ROS1: variants seen among roughly 807,000 people sequenced by gnomAD.
ROS1 encodes the protein proto-oncogene tyrosine-protein kinase ROS.
Under a neutral mutation model 273.5 loss-of-function variants are expected in ROS1, and 263 were observed. The ratio of observed to expected loss-of-function variants is 0.96; its 90% CI spans 0.87 to 1.06. ROS1 has a LOEUF of 1.06. ROS1 is among the 50% of genes least tolerant of loss of function. ROS1 has a pLI of 0.00. For synonymous variants in ROS1, 1,008 were observed against 954.1 expected (o/e 1.06, Z -1.04); for missense variants, 2,833 against 2,751.1 (o/e 1.03, Z -0.67).
chr6:117,383,490 A>C lies in ROS1; in HGVS notation c.2308T>G (p.Leu770Val), dbSNP rs565705980. The C allele has an allele frequency of 5.0e-6, 8 of 1,613,992 alleles. No homozygotes were observed. In the African/African-American group the frequency reaches 9.3e-5, roughly 19 times the overall value. Reference sequence around the variant, plus strand: ...GTAACAATGTCTGTGTGTCCCGTCAACACAGACTGCCTTTGTATCTAAAAA... The same window carrying C: ...GTAACAATGTCTGTGTGTCCCGTCACCACAGACTGCCTTTGTATCTAAAAA... ...KTYVIQRQSV[L>V]TGHTDIVTHV... Residue 770 changes from leucine to valine, a missense_variant, in exon 17 of 44, where the codon TTG becomes GTG. By Grantham distance (32) the Leu-to-Val change is conservative (BLOSUM62 1). Coordinates refer to ENST00000368507, the MANE Select transcript of ROS1 (RefSeq NM_001378902.1).
In ROS1 at chr6:117,326,306, T is replaced by C. The variant is rs199815114; in HGVS notation, c.5457A>G (p.Ile1819Met). The C allele has an allele frequency of 2.7e-4, 425 of 1,602,138 alleles. No homozygotes were observed. Among genetic ancestry groups the C allele is most frequent in the Non-Finnish European group, 3.5e-4 (410 of 1,174,896 alleles). Residue 1819 changes from isoleucine (I) to methionine (M), a missense_variant, in exon 34 of 44, where the codon ATA (isoleucine) becomes ATG (methionine). Physicochemically the swap from Ile to Met is conservative, Grantham distance 10 (BLOSUM62 1). Coordinates refer to ENST00000368507, the MANE Select transcript of ROS1 (RefSeq NM_001378902.1). ...CTWKSKNLKG[I>M]FQFRVVAANN... ...TTGCAGCTACTACTCTGAACTGAAA[T>C]ATTCCTTTCAGGTTTTTGGACTTCC...
rs368540212 is a variant in ROS1, at chr6:117,385,812, G to A, written c.2160C>T (p.Asp720=). The A allele has an allele frequency of 1.7e-5, 28 of 1,613,972 alleles. No homozygotes were observed. The highest frequency in any genetic ancestry group is 8.8e-5 in the South Asian group (8 of 91,084). ...NSLYYSDTKG[D]VFVWLLNGTD... ...TCCCATTCAGCAGCCACACAAAAAC[G>A]TCGCCTTTCGTGTCACTGTAGTAGA... The change falls in exon 16 of 44, where the codon GAC becomes GAT. Residue 720 remains aspartate, a synonymous_variant. Coordinates refer to ENST00000368507, the MANE Select transcript of ROS1 (RefSeq NM_001378902.1).
At chr6:117,415,039 C>T (rs1775234309) in intron 3 of ROS1, among the ~76,000 whole-genome samples, 1 of 152,186 alleles carries the variant, frequency 6.6e-6, no homozygotes, top group South Asian at 2.1e-4. Flanking sequence ...TGCTATATGC[C>T]CTGCACTGTA....
At chr6:117,353,191 T>A in intron 26 of ROS1, 25 bp from the exon 27 acceptor site, 1 of 1,509,426 alleles carries the variant, frequency 6.6e-7, no homozygotes, top group South Asian at 1.3e-5. Context: ...ATAAGGAATA[T>A]AAAGAACAAA....
At chr6:117,306,595 C>T (rs1775121609) in intron 42 of ROS1, among the ~76,000 whole-genome samples, 1 of 152,136 alleles carries the variant, frequency 6.6e-6, no homozygotes, top group Non-Finnish European at 1.5e-5. Context: ...TACAGCATAG[C>T]TATCTATGGG....
chr6:117,409,793 C>T lies in ROS1; in HGVS notation c.256-151G>A, dbSNP rs138431188. 1.2e-3 allele frequency: 764 copies of T among 654,520 alleles called. 6 individuals are homozygous for T. The highest frequency in any genetic ancestry group is 0.011 in the African/African-American group (615 of 56,004). The allele number at this position is 654,520 out of a possible 1,614,324, so 40.5% of individuals were successfully genotyped here. The stretch of plus-strand genomic sequence containing the variant: ...ATCTTTGAAATCGGAGTGCCTAATA[C>T]GCAAGTACATCTTTATGTCAACTAT... On this transcript the variant is annotated intron_variant, in intron 4 of 43. Coordinates refer to ENST00000368507, the MANE Select transcript of ROS1 (RefSeq NM_001378902.1).
chr6:117,334,932 C>A (rs548873190), intron 32 of ROS1, among the ~76,000 whole-genome samples: 8 of 152,250 alleles, frequency 5.3e-5, no homozygotes, highest in African/African-American at 1.7e-4. Flanking sequence ...TAGGCATGGG[C>A]AAAGACTTCA....
At chr6:117,290,802 T>TGCTCC (rs1163588699) in intron 43 of ROS1, among the ~76,000 whole-genome samples, 1 of 152,172 alleles carries the variant, frequency 6.6e-6, no homozygotes, top group Non-Finnish European at 1.5e-5. Flanking sequence ...ATGGTATTAT[T>TGCTCC]GCTCCCTGTT....
chr6:117,408,243 C>T (rs1774584590), intron 5 of ROS1, among the ~76,000 whole-genome samples: 1 of 151,688 alleles, frequency 6.6e-6, no homozygotes, highest in African/African-American at 2.4e-5. Context: ...AGCTTCTGCA[C>T]AGCAAAAGAA....
rs781026428 is a variant in ROS1 at position 117,404,434 on chromosome 6, G to GA, written c.317-7dup. ...AGTTGGTAGGTCTGCATTTTCTGGGGAAAAAACAAGATTTCACTCACCACG... is the reference window on the plus strand; with the variant it reads ...AGTTGGTAGGTCTGCATTTTCTGGGGAAAAAAACAAGATTTCACTCACCACG... On this transcript the variant is annotated splice_polypyrimidine_tract_variant and splice_region_variant and intron_variant, in intron 5 of 43. Transcript: ENST00000368507. The GA allele has an allele frequency of 8.7e-6, 14 of 1,611,238 alleles. No individual in the cohort carries two copies. The Admixed American group carries it at 2.0e-4, about 23-fold the overall frequency.
chr6:117,350,088 C>A (rs984817076), intron 27 of ROS1, among the ~76,000 whole-genome samples: 1 of 151,956 alleles, frequency 6.6e-6, no homozygotes, highest in Non-Finnish European at 1.5e-5. Flanking sequence ...TAATGCTCTT[C>A]CTTTCTTTAT....
At position 117,364,995 on chromosome 6, in the gene ROS1, A is replaced by G. The variant is rs1325839644; in HGVS notation, c.3103+65T>C. ...AGTTATTTTTAAATATCAACTATCC[A>G]TTCCAGATCATGAAAAGTGAGATTC... On this transcript the variant is annotated intron_variant, in intron 21 of 43. Coordinates refer to ENST00000368507, the MANE Select transcript of ROS1 (RefSeq NM_001378902.1). The G allele has an allele frequency of 4.1e-6, 6 of 1,478,396 alleles. No individual in the cohort carries two copies. In the Admixed American group the frequency reaches 1.1e-4, roughly 27 times the overall value. The allele number at this position is 1,478,396 out of a possible 1,614,324, so 91.6% of individuals were successfully genotyped here.
At chr6:117,309,693 T>C (rs534637172) in intron 41 of ROS1, among the ~76,000 whole-genome samples, 1 of 152,264 alleles carries the variant, frequency 6.6e-6, no homozygotes, top group South Asian at 2.1e-4. Flanking sequence ...TCTTTTAGGA[T>C]ACTTTTAAAT....
chr6:117,370,364 T>C (rs1476438034), intron 18 of ROS1, among the ~76,000 whole-genome samples: 1 of 152,148 alleles, frequency 6.6e-6, no homozygotes, highest in Non-Finnish European at 1.5e-5. Context: ...TTTGCTTTAC[T>C]TTAATCACTT....
At chr6:117,412,765 T>C (rs958429861) in intron 4 of ROS1, among the ~76,000 whole-genome samples, 1 of 152,188 alleles carries the variant, frequency 6.6e-6, no homozygotes, top group Non-Finnish European at 1.5e-5. Context: ...ATTTACACTA[T>C]ATAATCACAG....
chr6:117,294,281 C>G (rs1409759571), intron 43 of ROS1, among the ~76,000 whole-genome samples: 1 of 152,074 alleles, frequency 6.6e-6, no homozygotes, highest in African/African-American at 2.4e-5. Flanking sequence ...CACTCTTATT[C>G]AACATAGTAC....
chr6:117,389,767 G>C lies in ROS1; in HGVS notation c.1369C>G (p.Arg457Gly), dbSNP rs766342599. Residue 457 changes from arginine (R) to glycine (G), a missense_variant, in exon 13 of 44, where the codon CGT (arginine) becomes GGT (glycine). Arg to Gly is a moderately radical substitution (Grantham distance 125). Coordinates refer to ENST00000368507, the MANE Select transcript of ROS1 (RefSeq NM_001378902.1). ...VPSGRCAEAV[R>G]IVESCTLKDF... ...TTTAACGTGCAACTCTCCACAATACGCACAGCTTCTGCACACCGGCCAGAT... is the reference window on the plus strand; with the variant it reads ...TTTAACGTGCAACTCTCCACAATACCCACAGCTTCTGCACACCGGCCAGAT... The C allele has an allele frequency of 6.2e-7, 1 of 1,614,134 alleles. No homozygotes were observed. The highest frequency in any genetic ancestry group is 8.5e-7 in the Non-Finnish European group (1 of 1,180,016).
At chr6:117,347,101 T>G (rs952194506) in intron 27 of ROS1, among the ~76,000 whole-genome samples, 2 of 152,166 alleles carry the variant, frequency 1.3e-5, no homozygotes, top group Non-Finnish European at 2.9e-5. Flanking sequence ...ATCTACAAAA[T>G]AACTTTAGCT....
intron 39 of ROS1, among the ~76,000 whole-genome samples, chr6:117,316,899 C>A (rs914178602): frequency 1.3e-5 from 2 of 152,030 alleles, no homozygotes; most frequent in African/African-American, 4.8e-5. Context: ...ATGATTCTGG[C>A]AATGAGGGTC....
Sources: allele counts gnomAD v4.1 joint callset (sites outside exome capture counted in the v4.1 genomes callset), GRCh38; gene constraint gnomAD v4.1.1; transcripts MANE v1.5; gene names NCBI Gene and HGNC (gene_info 2026-07-23, HGNC 2026-07-21).